Variants in ANXA6 observed in about 807,000 individuals in gnomAD.
ANXA6 encodes annexin A6.
A neutral mutation model predicts 95.4 loss-of-function variants in ANXA6; 71 were observed. That is an observed-to-expected ratio of 0.74 (90% confidence interval 0.61 to 0.91). The LOEUF (loss-of-function observed/expected upper bound fraction) is 0.91. ANXA6 is among the 40% of genes least tolerant of loss of function. The probability of loss-of-function intolerance (pLI) is 0.00; values close to 1 mark genes in which losing one functional copy is unlikely to be tolerated. For missense variants in ANXA6, 830 were observed against 876.4 expected (o/e 0.95, Z 0.67); for synonymous variants, 289 against 315.9 (o/e 0.91, Z 0.90).
intron 1 of ANXA6, among the ~76,000 whole-genome samples, chr5:151,153,532 T>C (rs1399082730): frequency 6.6e-6 from 1 of 152,222 alleles, no homozygotes; most frequent in Non-Finnish European, 1.5e-5. Context: ...TGTGGATTTA[T>C]CATTTCTCCA....
intron 25 of ANXA6, among the ~76,000 whole-genome samples, chr5:151,102,515 C>T (rs1022708336): frequency 1.3e-5 from 2 of 152,116 alleles, no homozygotes; most frequent in East Asian, 1.9e-4. Context: ...ACCAGCCTGG[C>T]CAACACAGTG....
At chr5:151,129,697 T>TTTTC (rs1765439417) in intron 11 of ANXA6, among the ~76,000 whole-genome samples, 168 bp from the exon 12 acceptor site, 1 of 149,178 alleles carries the variant, frequency 6.7e-6, no homozygotes. Context: ...CCTCTTACTG[T>TTTTC]TTTGTTTGTT....
At chr5:151,132,727 C>T (rs1301116785) in intron 9 of ANXA6, among the ~76,000 whole-genome samples, 156 bp from the exon 10 acceptor site, 4 of 151,936 alleles carry the variant, frequency 2.6e-5, no homozygotes, top group Non-Finnish European at 4.4e-5. Flanking sequence ...AGGTCACGCA[C>T]ATCACCAGCG....
rs1765291629 is a variant in ANXA6 at position 151,125,451 on chromosome 5, A to G, written c.1056+951T>C. On this transcript the variant is annotated intron_variant, in intron 14 of 25. Coordinates refer to ENST00000354546, the MANE Select transcript of ANXA6 (RefSeq NM_001155.5). ...CTGACAATTTACCACAAAAATCAAC[A>G]TAATAAAAACAAAAGAGGTGATATA... Among the ~76,000 whole-genome samples the G allele has an allele frequency of 2.6e-5, 4 of 152,196 alleles. No homozygotes were observed. In the South Asian group the frequency reaches 6.2e-4, roughly 24 times the overall value.
chr5:151,122,327 A>T, intron 16 of ANXA6, 67 bp from the exon 17 acceptor site: 1 of 864,076 alleles, frequency 1.2e-6, no homozygotes, highest in Non-Finnish European at 1.8e-6. Flanking sequence ...AGGATGGGAG[A>T]GATGGAAAGA....
chr5:151,153,786 T>G (rs1766165709), intron 1 of ANXA6, among the ~76,000 whole-genome samples: 2 of 152,246 alleles, frequency 1.3e-5, no homozygotes, highest in South Asian at 4.1e-4. Flanking sequence ...TAATTGCACA[T>G]TTCTTTCAAT....
rs540430584 is a variant in ANXA6 at position 151,145,837 on chromosome 5, C to T, written c.18+2047G>A. Among the ~76,000 whole-genome samples the T allele has an allele frequency of 6.6e-4, 101 of 152,270 alleles. 1 individual carries two copies. The highest frequency in any genetic ancestry group is 2.2e-3 in the African/African-American group (92 of 41,546). On this transcript the variant is annotated intron_variant, in intron 2 of 25. Transcript: ENST00000354546. ...CAAATTACTTTTACTCCCCTGAGCA[C>T]GCTGCATTTGCTCTCCTTCTAGCCT...
chr5:151,108,654 A>G lies in ANXA6; in HGVS notation c.1685-104T>C, dbSNP rs556101344. The G allele has an allele frequency of 1.2e-5, 12 of 960,592 alleles. No homozygotes were observed. In the African/African-American group the frequency reaches 1.4e-4, roughly 12 times the overall value. The allele number at this position is 960,592 out of a possible 1,614,324, so 59.5% of individuals were successfully genotyped here. On this transcript the variant is annotated intron_variant, in intron 22 of 25. Transcript: ENST00000354546. Reference sequence around the variant, plus strand: ...TGCCTCCCACAGGCTGTGCCTGAGAAAGTGGAAGGGCAGCAAATATGGCCA... The same window carrying G: ...TGCCTCCCACAGGCTGTGCCTGAGAGAGTGGAAGGGCAGCAAATATGGCCA...
intron 25 of ANXA6, among the ~76,000 whole-genome samples, 160 bp downstream of exon 25, chr5:151,103,410 G>C (rs530600856): frequency 6.6e-6 from 1 of 152,018 alleles, no homozygotes; most frequent in Non-Finnish European, 1.5e-5. Context: ...AATTGATTTC[G>C]GTATAAACAA....
intron 21 of ANXA6, 51 bp from the exon 22 acceptor site, chr5:151,109,897 C>T (rs1764802936): frequency 1.8e-5 from 24 of 1,360,058 alleles, no homozygotes; most frequent in Non-Finnish European, 2.5e-5. Flanking sequence ...CATGAGAAAG[C>T]CTTGGTTATT....
At chr5:151,131,112 AG>A (rs1199044714) in intron 11 of ANXA6, 118 bp downstream of exon 11, 4 of 1,017,934 alleles carry the variant, frequency 3.9e-6, no homozygotes, top group Middle Eastern at 2.5e-4. Flanking sequence ...CACCTTCACC[AG>A]GGTCAGTCCT....
At chr5:151,117,964 T>C (rs1765052404) in intron 18 of ANXA6, 127 bp from the exon 19 acceptor site, 2 of 713,952 alleles carry the variant, frequency 2.8e-6, no homozygotes, top group Admixed American at 4.4e-5. Context: ...ATGAAAGGGT[T>C]TGTAACTGGC....
chr5:151,140,031 C>CA, intron 3 of ANXA6, 122 bp downstream of exon 3: 1 of 679,860 alleles, frequency 1.5e-6, no homozygotes, highest in Non-Finnish European at 2.4e-6. Flanking sequence ...AAAGAGGAGA[C>CA]CAAAAAAATG....
At position 151,147,934 on chromosome 5, in the gene ANXA6, G is replaced by A. The variant is rs762350025; in HGVS notation, c.-25-8C>T. On this transcript the variant is annotated splice_polypyrimidine_tract_variant and splice_region_variant and intron_variant, in intron 1 of 25. Coordinates refer to ENST00000354546, the MANE Select transcript of ANXA6 (RefSeq NM_001155.5). The stretch of plus-strand genomic sequence containing the variant: ...GGTTCGCAGCAGAATCCACTGTAGA[G>A]AAGAAAGACAGCATGTGAGATTCCC... 1 of 1,601,214 alleles carries A rather than the reference G, an allele frequency of 6.2e-7. No individual in the cohort carries two copies. Among genetic ancestry groups the A allele is most frequent in the South Asian group, 1.1e-5 (1 of 88,698 alleles).
intron 20 of ANXA6, among the ~76,000 whole-genome samples, chr5:151,112,885 A>G (rs1764890242): frequency 1.3e-5 from 2 of 152,224 alleles, no homozygotes; most frequent in African/African-American, 4.8e-5. Flanking sequence ...GCCAGTCATA[A>G]AAGCATAAAT....
Position 151,101,326 on chromosome 5 carries a change from C to T in ANXA6, c.*122G>A. The T allele has an allele frequency of 2.1e-6, 1 of 468,904 alleles. No individual in the cohort carries two copies. Among genetic ancestry groups the T allele is most frequent in the South Asian group, 1.8e-5 (1 of 56,102 alleles). 29.0% of individuals were successfully genotyped at this position (468,904 alleles called of 1,614,324 possible). The stretch of plus-strand genomic sequence containing the variant: ...AGCTCCACTGAAGATAAGAGCCCAA[C>T]CCAACCCCTCCCCCCACCCCTGCCC... On this transcript the variant is annotated 3_prime_UTR_variant, in exon 26 of 26. Coordinates refer to ENST00000354546, the MANE Select transcript of ANXA6 (RefSeq NM_001155.5).
At chr5:151,140,577 A>AATATATATATATATATATATATATAT (rs61352316) in intron 2 of ANXA6, 12 of 143,854 alleles carry the variant, frequency 8.3e-5, no homozygotes, top group Admixed American at 3.4e-4. Context: ...GCAAGAGTCA[A>AATATATATATATATATATATATATAT]ATATATATAT....
At chr5:151,143,766 A>G (rs1393643247) in intron 2 of ANXA6, among the ~76,000 whole-genome samples, 2 of 152,152 alleles carry the variant, frequency 1.3e-5, no homozygotes, top group African/African-American at 4.8e-5. Flanking sequence ...CACTCACTGA[A>G]TATGTTTCAT....
chr5:151,122,312 G>T, intron 16 of ANXA6, 52 bp from the exon 17 acceptor site: 2 of 1,053,976 alleles, frequency 1.9e-6, no homozygotes, highest in South Asian at 2.9e-5. Context: ...GCCCACACAT[G>T]ACTCAGGATG....
Sources: allele counts gnomAD v4.1 joint callset (sites outside exome capture counted in the v4.1 genomes callset), GRCh38; gene constraint gnomAD v4.1.1; transcripts MANE v1.5; gene names NCBI Gene and HGNC (gene_info 2026-07-23, HGNC 2026-07-21).